MYO1D: variants seen among roughly 807,000 people sequenced by gnomAD.
MYO1D encodes the protein unconventional myosin-Id.
Under a neutral mutation model 122.0 loss-of-function variants are expected in MYO1D, and 83 were observed. The ratio of observed to expected loss-of-function variants is 0.68; its 90% CI spans 0.57 to 0.82. The LOEUF (loss-of-function observed/expected upper bound fraction) is 0.82, where lower values mean the gene tolerates loss of function less well. Ranked by LOEUF, MYO1D falls within the 40% of genes least tolerant of loss-of-function variation. The probability of loss-of-function intolerance (pLI) is 0.00; values close to 1 mark genes in which losing one functional copy is unlikely to be tolerated. For synonymous variants in MYO1D, 464 were observed against 446.9 expected, an observed-to-expected ratio of 1.04 and a Z score of -0.48; for missense variants, 1,157 against 1,269.5, an observed-to-expected ratio of 0.91 and a Z score of 1.35.
intron 21 of MYO1D, among the ~76,000 whole-genome samples, chr17:32,503,822 C>T (rs551353452): frequency 1.3e-5 from 2 of 152,334 alleles, no homozygotes; most frequent in East Asian, 3.9e-4. Flanking sequence ...GCTGTTTACT[C>T]TGTGTTTCAG....
chr17:32,790,747 A>G (rs1248119784), intron 1 of MYO1D, among the ~76,000 whole-genome samples: 1 of 152,272 alleles, frequency 6.6e-6, no homozygotes. Context: ...GAATCAGTAC[A>G]AACTCATAGT....
At chr17:32,684,748 C>T (rs910791340) in intron 16 of MYO1D, among the ~76,000 whole-genome samples, 1 of 152,144 alleles carries the variant, frequency 6.6e-6, no homozygotes, top group African/African-American at 2.4e-5. Context: ...TCACTGTTGA[C>T]GGTTGATGGT....
intron 21 of MYO1D, among the ~76,000 whole-genome samples, chr17:32,603,718 G>A (rs988925606): frequency 2.6e-5 from 4 of 151,662 alleles, no homozygotes; most frequent in African/African-American, 9.7e-5. Context: ...GTAGAGACGG[G>A]GTTTCACTGT....
chr17:32,629,138 T>A (rs2087968401), intron 20 of MYO1D, among the ~76,000 whole-genome samples: 1 of 147,644 alleles, frequency 6.8e-6, no homozygotes, highest in South Asian at 2.3e-4. Flanking sequence ...CTACATTCTG[T>A]ATGATTCTAA....
intron 21 of MYO1D, among the ~76,000 whole-genome samples, chr17:32,504,289 C>A (rs1886592036): frequency 6.6e-6 from 1 of 152,240 alleles, no homozygotes; most frequent in Admixed American, 6.5e-5. Flanking sequence ...CCAGCCTGGG[C>A]TGCCCCTCCC....
intron 11 of MYO1D, among the ~76,000 whole-genome samples, chr17:32,752,009 T>C (rs1358238418): frequency 1.3e-5 from 2 of 152,126 alleles, no homozygotes; most frequent in Admixed American, 1.3e-4. Context: ...GGCATCACAT[T>C]ACCCTGTCTT....
chr17:32,580,063 G>C (rs1024735254), intron 21 of MYO1D, among the ~76,000 whole-genome samples: 1 of 152,054 alleles, frequency 6.6e-6, no homozygotes, highest in Admixed American at 6.5e-5. Flanking sequence ...CTGCCAAACT[G>C]TTCCCACCAT....
chr17:32,692,019 C>G (rs1465032858), intron 16 of MYO1D, among the ~76,000 whole-genome samples: 1 of 152,076 alleles, frequency 6.6e-6, no homozygotes, highest in Admixed American at 6.6e-5. Flanking sequence ...AGTGAGGTAT[C>G]TATCTCATTT....
At position 32,630,475 on chromosome 17, in the gene MYO1D, T is replaced by A. The variant is rs143536579; in HGVS notation, c.2709+8247A>T. On this transcript the variant is annotated intron_variant, in intron 20 of 21. Transcript: ENST00000318217. The stretch of plus-strand genomic sequence containing the variant: ...ATATATTAGTTTGCTAGGGCTGCCA[T>A]GATAAAGTATCACAGACTAGGTGGC... Among the ~76,000 whole-genome samples the A allele has an allele frequency of 3.7e-3, 558 of 152,352 alleles. 2 individuals carry two copies. The highest frequency in any genetic ancestry group is 0.012 in the African/African-American group (511 of 41,582).
chr17:32,808,700 G>A (rs1448610123), intron 1 of MYO1D, among the ~76,000 whole-genome samples: 1 of 152,148 alleles, frequency 6.6e-6, no homozygotes, highest in Admixed American at 6.5e-5. Flanking sequence ...GCCCTTACAG[G>A]AAGAGGCCAC....
intron 21 of MYO1D, among the ~76,000 whole-genome samples, chr17:32,599,810 G>A (rs1460477723): frequency 6.6e-6 from 1 of 152,070 alleles, no homozygotes; most frequent in Non-Finnish European, 1.5e-5. Context: ...GTGCCACCAC[G>A]CCTGGCTAAT....
At chr17:32,524,186 A>T (rs891803422) in intron 21 of MYO1D, among the ~76,000 whole-genome samples, 3 of 152,202 alleles carry the variant, frequency 2.0e-5, no homozygotes, top group Non-Finnish European at 4.4e-5. Context: ...GGCTGAATGA[A>T]TATATGCATC....
At chr17:32,720,918 C>G (rs2089502035) in intron 15 of MYO1D, 105 bp downstream of exon 15, 1 of 1,182,526 alleles carries the variant, frequency 8.5e-7, no homozygotes, top group African/African-American at 1.6e-5. Flanking sequence ...TTTTGTTCAC[C>G]CAACAAATAT....
At chr17:32,604,204 T>C (rs2087598779) in intron 21 of MYO1D, among the ~76,000 whole-genome samples, 1 of 151,002 alleles carries the variant, frequency 6.6e-6, no homozygotes, top group Non-Finnish European at 1.5e-5. Context: ...AAAAAAAACA[T>C]ACTAATAAGG....
rs1317569981 is a variant in MYO1D at position 32,494,908 on chromosome 17, G to A, written c.2872C>T (p.Arg958Cys). 7 of 1,598,976 alleles carry A rather than the reference G, an allele frequency of 4.4e-6. No homozygotes were observed. Among genetic ancestry groups the A allele is most frequent in the South Asian group, 2.2e-5 (2 of 90,110 alleles). Residue 958 changes from arginine (R) to cysteine (C), a missense_variant, in exon 22 of 22, where the codon CGC becomes TGC. Transcript: ENST00000318217. ...VLVNHFKSEK[R>C]HLQVNVTNPV... Reference sequence around the variant, plus strand: ...TTGGTGACGTTCACTTGAAGGTGGCGCTTCTCACTGCAGGAACCAAAAACA... The same window carrying A: ...TTGGTGACGTTCACTTGAAGGTGGCACTTCTCACTGCAGGAACCAAAAACA...
At chr17:32,815,904 T>G (rs1028322190) in intron 1 of MYO1D, among the ~76,000 whole-genome samples, 4 of 152,264 alleles carry the variant, frequency 2.6e-5, no homozygotes, top group African/African-American at 9.6e-5. Flanking sequence ...TGTAAGTTTG[T>G]TTACTAGTAT....
intron 16 of MYO1D, among the ~76,000 whole-genome samples, chr17:32,709,223 A>T (rs1472288880): frequency 2.0e-5 from 3 of 152,202 alleles, no homozygotes; most frequent in African/African-American, 7.2e-5. Flanking sequence ...TAAAAGGGGT[A>T]CTATTAATAG....
intron 16 of MYO1D, among the ~76,000 whole-genome samples, chr17:32,695,556 T>G (rs1218796854): frequency 6.6e-6 from 1 of 152,182 alleles, no homozygotes; most frequent in South Asian, 2.1e-4. Flanking sequence ...AAACTTCCAG[T>G]AGGACTTCCA....
intron 21 of MYO1D, among the ~76,000 whole-genome samples, chr17:32,559,420 C>T (rs990135564): frequency 4.6e-5 from 7 of 152,224 alleles, no homozygotes; most frequent in Admixed American, 2.6e-4. Context: ...AGCTGAGTCT[C>T]ACTCAATCAC....
Sources: gnomAD v4.1 joint callset for allele counts (sites outside exome capture counted in the v4.1 genomes callset) on GRCh38, gnomAD v4.1.1 for gene constraint, MANE v1.5 for transcripts, NCBI Gene and HGNC (gene_info 2026-07-23, HGNC 2026-07-21) for gene names.